The following FKBP2 variants were observed in gnomAD, a reference collection of about 807,000 sequenced individuals.
FKBP2 encodes the protein FKBP prolyl isomerase 2.
Under a neutral mutation model 19.4 loss-of-function variants are expected in FKBP2, and 15 were observed. The observed-to-expected ratio is 0.77, with a 90% CI of 0.52 to 1.19. FKBP2 has a LOEUF of 1.19. Among genes scored for constraint, FKBP2 ranks in the 50% most tolerant of loss-of-function variants. The pLI is 0.00. For missense variants in FKBP2, 170 were observed against 179.0 expected (o/e 0.95, Z 0.29); for synonymous variants, 76 against 74.8 (o/e 1.02, Z -0.08).
chr11:64,244,011 G>A lies in FKBP2; in HGVS notation c.411G>A (p.Glu137=). The A allele has an allele frequency of 1.2e-6, 2 of 1,613,960 alleles. No homozygotes were observed. Among genetic ancestry groups the A allele is most frequent in the East Asian group, 2.2e-5 (1 of 44,876 alleles). The part of the protein sequence containing the change: ...LVFEVELLKI[E]RRTEL ...TCGAGGTGGAGCTGCTCAAAATAGA[G>A]CGACGAACTGAGCTGTAACCAGACT... The change falls in exon 6 of 6, where the codon GAG becomes GAA. Residue 137 remains glutamate (E), a synonymous_variant. Coordinates refer to ENST00000309366, the MANE Select transcript of FKBP2 (RefSeq NM_004470.4).
rs1166651031 is a variant in FKBP2 at position 64,243,182 on chromosome 11, T to G, written c.172-17T>G. 6.2e-6 allele frequency: 10 copies of G among 1,612,388 alleles called. No individual in the cohort carries two copies. Among genetic ancestry groups the G allele is most frequent in the Non-Finnish European group, 7.6e-6 (9 of 1,179,046 alleles). ...GGTGGTCCCCTCTTCCTCACTGGCC[T>G]TCTCATGGTTCCACAGGGGAAGCTG... On this transcript the variant is annotated splice_polypyrimidine_tract_variant and intron_variant, in intron 2 of 5. Transcript: ENST00000309366.
intron 2 of FKBP2, 121 bp from the exon 3 acceptor site, chr11:64,243,078 A>C: frequency 2.4e-6 from 2 of 842,850 alleles, no homozygotes; most frequent in Admixed American, 2.1e-5. Context: ...AAAAAACAAA[A>C]AGGACTGACC....
intron 1 of FKBP2, chr11:64,242,073 A>C: frequency 3.5e-6 from 1 of 285,410 alleles, no homozygotes; most frequent in Non-Finnish European, 6.6e-6. Context: ...ACAGGCGGGA[A>C]CTGAAGAGCG....
At chr11:64,241,519 G>A (rs2030487659) in intron 1 of FKBP2, 1 of 153,034 alleles carries the variant, frequency 6.5e-6, no homozygotes, top group Non-Finnish European at 1.5e-5. Context: ...AGGCGCTGGG[G>A]GCGGGGCTTC....
Position 64,244,093 on chromosome 11 carries a change from CAAAA to C in FKBP2, c.*67_*70del. On this transcript the variant is annotated 3_prime_UTR_variant, in exon 6 of 6. Coordinates refer to ENST00000309366, the MANE Select transcript of FKBP2 (RefSeq NM_004470.4). ...GGACCAGACTGTTCCAAAAAAAAAA[CAAAA>C]AACAAAAACAAACAAAAAAACACTT... The C allele has an allele frequency of 2.0e-6, 3 of 1,524,378 alleles. No individual in the cohort carries two copies. Among genetic ancestry groups the C allele is most frequent in the Non-Finnish European group, 2.7e-6 (3 of 1,112,092 alleles). The allele number at this position is 1,524,378 out of a possible 1,614,324, so 94.4% of individuals were successfully genotyped here.
At position 64,242,570 on chromosome 11, in the gene FKBP2, G is replaced by C; in HGVS notation, c.171+12G>C. ...ACATGCACTACACGGTGAGTGGGTTGGGCGGGCCTTTTGGGAGTGGGTGGG... is the reference window on the plus strand; with the variant it reads ...ACATGCACTACACGGTGAGTGGGTTCGGCGGGCCTTTTGGGAGTGGGTGGG... On this transcript the variant is annotated intron_variant, in intron 2 of 5. Coordinates refer to ENST00000309366, the MANE Select transcript of FKBP2 (RefSeq NM_004470.4). 1 of 1,530,004 alleles carries C rather than the reference G, an allele frequency of 6.5e-7. No individual in the cohort carries two copies. Among genetic ancestry groups the C allele is most frequent in the Non-Finnish European group, 8.7e-7 (1 of 1,144,812 alleles). The allele number at this position is 1,530,004 out of a possible 1,614,324, so 94.8% of individuals were successfully genotyped here.
intron 1 of FKBP2, 114 bp from the exon 2 acceptor site, chr11:64,242,270 C>A: frequency 1.9e-6 from 2 of 1,068,592 alleles, no homozygotes; most frequent in African/African-American, 1.7e-5. Context: ...AAAGGGGATC[C>A]CCCGGGGCAA....
intron 1 of FKBP2, 64 bp from the exon 2 acceptor site, chr11:64,242,320 C>G: frequency 2.9e-6 from 4 of 1,402,588 alleles, no homozygotes; most frequent in South Asian, 3.0e-5. Context: ...GTTACCTACC[C>G]GTGTTCCATA....
chr11:64,242,406 CG>C lies in FKBP2; in HGVS notation c.22del (p.Val8SerfsTer2). The C allele has an allele frequency of 6.5e-7, 1 of 1,544,104 alleles. No individual in the cohort carries two copies. Among genetic ancestry groups the C allele is most frequent in the Non-Finnish European group, 8.7e-7 (1 of 1,149,408 alleles). On this transcript the variant is annotated frameshift_variant, in exon 2 of 6. Coordinates refer to ENST00000309366, the MANE Select transcript of FKBP2 (RefSeq NM_004470.4). LOFTEE classifies it high-confidence loss of function. Reference sequence around the variant, plus strand: ...CAGAGACATGAGGCTGAGCTGGTTCCGGGTCCTGACAGTACTGTCCATCTGC... The same window carrying C: ...CAGAGACATGAGGCTGAGCTGGTTCCGGTCCTGACAGTACTGTCCATCTGC... MRLSWF[R>X]VLTVLSICLS...
chr11:64,243,526 C>T (rs781389351), intron 4 of FKBP2, 29 bp downstream of exon 4: 106 of 1,612,338 alleles, frequency 6.6e-5, no homozygotes, highest in African/African-American at 3.5e-4. Flanking sequence ...GGGTGCAGAG[C>T]GAGTTTGGGG....
In FKBP2 at chr11:64,244,107, A is replaced by G. The variant is rs1591089177; in HGVS notation, c.*78A>G. On this transcript the variant is annotated 3_prime_UTR_variant, in exon 6 of 6. Coordinates refer to ENST00000309366, the MANE Select transcript of FKBP2 (RefSeq NM_004470.4). ...CAAAAAAAAAACAAAAAACAAAAAC[A>G]AACAAAAAAACACTTAAAAGCCCAA... The G allele has an allele frequency of 6.7e-7, 1 of 1,500,228 alleles. No homozygotes were observed. The highest frequency in any genetic ancestry group is 9.2e-7 in the Non-Finnish European group (1 of 1,091,324). 92.9% of individuals were successfully genotyped at this position (1,500,228 alleles called of 1,614,324 possible). A position where few individuals can be genotyped will look rare whatever the true frequency, so the allele number is the denominator to read the frequency against.
intron 2 of FKBP2, 43 bp downstream of exon 2, chr11:64,242,601 C>T (rs1026195983): frequency 2.0e-6 from 3 of 1,516,444 alleles, no homozygotes; most frequent in African/African-American, 2.9e-5. Flanking sequence ...GTGGGGCTTC[C>T]GAGGACCAGA....
At position 64,243,259 on chromosome 11, in the gene FKBP2, T is replaced by C. The variant is rs1293441515; in HGVS notation, c.232T>C (p.Phe78Leu). 6.2e-7 allele frequency: 1 copy of C among 1,612,836 alleles called. No individual in the cohort carries two copies. Among genetic ancestry groups the C allele is most frequent in the Non-Finnish European group, 8.5e-7 (1 of 1,179,494 alleles). The change falls in exon 3 of 6, where the codon TTC becomes CTC. Residue 78 changes from phenylalanine (F) to leucine (L), a missense_variant. By Grantham distance (22) the Phe-to-Leu change is conservative. Transcript: ENST00000309366. ...SSLPQNQPFV[F>L]SLGTGQVIKG... ...CCTGCCCCAGAACCAGCCCTTTGTC[T>C]TCTCCCTTGGCACAGGCCAGGTCAT...
intron 1 of FKBP2, 79 bp from the exon 2 acceptor site, chr11:64,242,305 C>T: frequency 3.0e-6 from 4 of 1,351,646 alleles, no homozygotes; most frequent in South Asian, 1.6e-5. Flanking sequence ...CGGTGGAACC[C>T]TCCTGTTACC....
intron 4 of FKBP2, 87 bp from the exon 5 acceptor site, chr11:64,243,754 T>A: frequency 1.3e-6 from 2 of 1,565,290 alleles, no homozygotes; most frequent in Admixed American, 3.3e-5. Context: ...CTGGCCTTCT[T>A]GCTGAGAGGG....
At chr11:64,243,612 C>T in intron 4 of FKBP2, 115 bp downstream of exon 4, 1 of 1,377,008 alleles carries the variant, frequency 7.3e-7, no homozygotes. Context: ...CAATACATGC[C>T]TCCTCCAAGT....
chr11:64,242,271 C>T (rs1023281341), intron 1 of FKBP2, 113 bp from the exon 2 acceptor site: 5 of 1,101,416 alleles, frequency 4.5e-6, no homozygotes, highest in Middle Eastern at 5.9e-4. Flanking sequence ...AAGGGGATCC[C>T]CCGGGGCAAG....
intron 1 of FKBP2, 68 bp from the exon 2 acceptor site, chr11:64,242,316 T>A: frequency 7.2e-7 from 1 of 1,391,726 alleles, no homozygotes; most frequent in Non-Finnish European, 9.5e-7. Context: ...TCCTGTTACC[T>A]ACCCGTGTTC....
At chr11:64,242,847 G>T (rs751729364) in intron 2 of FKBP2, among the ~76,000 whole-genome samples, 3 of 152,190 alleles carry the variant, frequency 2.0e-5, no homozygotes, top group Non-Finnish European at 4.4e-5. Flanking sequence ...AGGCCGAGGC[G>T]GGTGGATCAC....
Sources: allele counts gnomAD v4.1 joint callset (sites outside exome capture counted in the v4.1 genomes callset), GRCh38; gene constraint gnomAD v4.1.1; transcripts MANE v1.5; gene names NCBI Gene and HGNC (gene_info 2026-07-23, HGNC 2026-07-21).